Variants in RBM28 observed in about 807,000 individuals in gnomAD.
RBM28 encodes the protein RNA binding motif protein 28.
A neutral mutation model predicts 98.3 loss-of-function variants in RBM28; 78 were observed. The observed-to-expected ratio is 0.79, with a 90% confidence interval of 0.66 to 0.96. RBM28 has a LOEUF of 0.96. Among genes scored for constraint, RBM28 ranks in the 40% least tolerant of loss-of-function variants. The pLI, the probability that RBM28 is intolerant of heterozygous loss-of-function variation, is 0.00. For synonymous variants in RBM28, 306 were observed against 330.9 expected (o/e 0.92, Z 0.82); for missense variants, 838 against 913.0 (o/e 0.92, Z 1.06).
chr7:128,316,245 G>A (rs772245503), intron 16 of RBM28, among the ~76,000 whole-genome samples: 36 of 152,300 alleles, frequency 2.4e-4, no homozygotes, highest in Non-Finnish European at 3.1e-4. Flanking sequence ...ACAGCTTAAG[G>A]AAGTTCATGA....
chr7:128,323,130 C>T (rs181281081), intron 13 of RBM28, among the ~76,000 whole-genome samples: 37 of 152,214 alleles, frequency 2.4e-4, no homozygotes, highest in African/African-American at 8.4e-4. Context: ...TTTCAAGAGC[C>T]ATATCTTCTC....
At chr7:128,340,477 T>C (rs1796700474) in intron 1 of RBM28, among the ~76,000 whole-genome samples, 1 of 152,160 alleles carries the variant, frequency 6.6e-6, no homozygotes, top group Admixed American at 6.5e-5. Flanking sequence ...TCTCACCAGA[T>C]ACAGCCACTA....
At chr7:128,318,245 G>A in intron 14 of RBM28, 139 bp from the exon 15 acceptor site, 1 of 906,696 alleles carries the variant, frequency 1.1e-6, no homozygotes, top group South Asian at 1.5e-5. Context: ...AGCACCTTGG[G>A]AGGCCGAGAC....
chr7:128,313,407 C>A, intron 17 of RBM28, 133 bp from the exon 18 acceptor site: 1 of 865,800 alleles, frequency 1.2e-6, no homozygotes, highest in South Asian at 1.4e-5. Context: ...GCAACAGACC[C>A]TCTGAAAGCT....
In RBM28 at chr7:128,318,472, C is replaced by T. The variant is rs75580088; in HGVS notation, c.1564-366G>A. On this transcript the variant is annotated intron_variant, in intron 14 of 18. Coordinates refer to ENST00000223073, the MANE Select transcript of RBM28 (RefSeq NM_018077.3). The stretch of plus-strand genomic sequence containing the variant: ...CCTGGGCAACAGAGTGAGACCCTGT[C>T]TCAAAAAAAAAAAAAAAAAATCAGG... Among the ~76,000 whole-genome samples the T allele has an allele frequency of 6.1e-4, 78 of 128,770 alleles. No individual in the cohort carries two copies. The East Asian group carries it at 0.016, about 27-fold the overall frequency. The allele number at this position is 128,770 out of a possible 152,430, so 84.5% of individuals were successfully genotyped here.
At chr7:128,317,406 G>A (rs1023488245) in intron 16 of RBM28, among the ~76,000 whole-genome samples, 39 of 152,164 alleles carry the variant, frequency 2.6e-4, no homozygotes, top group African/African-American at 8.9e-4. Flanking sequence ...ACCAAACACT[G>A]TAAAAAACGG....
rs138999061 is a variant in RBM28 at position 128,339,688 on chromosome 7, G to A, written c.222C>T (p.Asn74=). ...TCAGTTTTTTCTTGGCAACAGTCAC[G>A]TTGATCTTGCAACCTTCAAAGGTGG... ...EITTFEGCKI[N]VTVAKKKLRN... Residue 74 remains asparagine, a synonymous_variant, in exon 2 of 19, where the codon AAC becomes AAT. Coordinates refer to ENST00000223073, the MANE Select transcript of RBM28 (RefSeq NM_018077.3). The A allele has an allele frequency of 3.1e-6, 5 of 1,613,672 alleles. No homozygotes were observed. Among genetic ancestry groups the A allele is most frequent in the East Asian group, 4.5e-5 (2 of 44,884 alleles).
chr7:128,324,530 A>G, intron 12 of RBM28, 29 bp downstream of exon 12: 1 of 1,614,130 alleles, frequency 6.2e-7, no homozygotes, highest in Non-Finnish European at 8.5e-7. Flanking sequence ...CCAGGTACTT[A>G]GAAGTGTGGG....
rs951665538 is a variant in RBM28, at chr7:128,326,021, G to A, written c.1130-130C>T. The A allele has an allele frequency of 1.0e-4, 81 of 772,182 alleles. 1 individual carries two copies. The highest frequency in any genetic ancestry group is 1.8e-4 in the Admixed American group (9 of 50,856). 47.8% of individuals were successfully genotyped at this position (772,182 alleles called of 1,614,324 possible). ...GCATCCATTTATTAAGTACAGCCAT[G>A]TAGCCGGGTGCAGTGGCTCACACCT... is the stretch of plus-strand genomic sequence containing the variant. On this transcript the variant is annotated intron_variant, in intron 10 of 18. Transcript: ENST00000223073.
In RBM28 at chr7:128,339,236, C is replaced by A; in HGVS notation, c.363G>T (p.Leu121=). ...DKKARLIIRN[L]SFKCSEDDLK... ...TTTCTCTCTCACTTACCTTAAAGCT[C>A]AGGTTCCGAATAATTAATCTGGCTT... Residue 121 remains leucine, a synonymous_variant, in exon 3 of 19, where the codon CTG becomes CTT. Transcript: ENST00000223073. The A allele has an allele frequency of 6.2e-7, 1 of 1,610,538 alleles. No homozygotes were observed. Among genetic ancestry groups the A allele is most frequent in the Non-Finnish European group, 8.5e-7 (1 of 1,176,744 alleles).
Position 128,336,028 on chromosome 7 carries a change from G to C in RBM28, c.628C>G (p.His210Asp). The change falls in exon 7 of 19, where the codon CAT becomes GAT. Residue 210 changes from histidine (H) to aspartate (D), a missense_variant. By Grantham distance (81) the His-to-Asp change is moderately conservative. Coordinates refer to ENST00000223073, the MANE Select transcript of RBM28 (RefSeq NM_018077.3). ...ACTGATTCCTGATGTTTAGATTCAT[G>C]GCTCTTTTCCTCACCTATGGAGGGA... ...SVSAIGEEKS[H>D]ESKHQESVKK... 1 of 1,610,262 alleles carries C rather than the reference G, an allele frequency of 6.2e-7. No homozygotes were observed. Among genetic ancestry groups the C allele is most frequent in the South Asian group, 1.1e-5 (1 of 90,978 alleles).
intron 16 of RBM28, 85 bp downstream of exon 16, chr7:128,317,574 A>T: frequency 9.4e-7 from 1 of 1,063,048 alleles, no homozygotes; most frequent in Non-Finnish European, 1.5e-6. Context: ...CTGAGGGGAG[A>T]ACTACTCTAA....
In RBM28 at chr7:128,309,929, A is replaced by C. The variant is rs1795945110; in HGVS notation, c.*868T>G. ...AAGACAAGCAGAGGTGATAGGGCTGAAGAGCCCAGGGAATCAAATGTTATA... is the reference window on the plus strand; with the variant it reads ...AAGACAAGCAGAGGTGATAGGGCTGCAGAGCCCAGGGAATCAAATGTTATA... On this transcript the variant is annotated 3_prime_UTR_variant, in exon 19 of 19. Coordinates refer to ENST00000223073, the MANE Select transcript of RBM28 (RefSeq NM_018077.3). The C allele has an allele frequency of 6.6e-6, 1 of 152,204 alleles. No individual in the cohort carries two copies. The highest frequency in any genetic ancestry group is 2.4e-5 in the African/African-American group (1 of 41,438). The allele number at this position is 152,204 out of a possible 1,614,324, so 9.4% of individuals were successfully genotyped here. A position where few individuals can be genotyped will look rare whatever the true frequency, so the allele number is the denominator to read the frequency against.
chr7:128,325,335 G>A (rs1796325489), intron 11 of RBM28, among the ~76,000 whole-genome samples: 1 of 152,200 alleles, frequency 6.6e-6, no homozygotes, highest in Non-Finnish European at 1.5e-5. Flanking sequence ...GTCTAGTATT[G>A]TAAAGTAAGC....
chr7:128,330,110 TGACACTGC>T (rs1402752780), intron 10 of RBM28, among the ~76,000 whole-genome samples: 8 of 151,954 alleles, frequency 5.3e-5, no homozygotes. Flanking sequence ...TTCTAACGGC[TGACACTGC>T]AACAGAGTTT....
chr7:128,317,823 A>G, intron 15 of RBM28, 90 bp from the exon 16 acceptor site: 1 of 1,507,940 alleles, frequency 6.6e-7, no homozygotes, highest in South Asian at 1.1e-5. Flanking sequence ...ATCCTCCCCC[A>G]ACCCACCTTT....
intron 12 of RBM28, 140 bp downstream of exon 12, chr7:128,324,419 G>T: frequency 8.1e-7 from 1 of 1,228,300 alleles, no homozygotes; most frequent in Non-Finnish European, 1.2e-6. Context: ...ATTTATTAAA[G>T]TGGAATGATC....
chr7:128,338,145 T>C, intron 5 of RBM28, 105 bp downstream of exon 5: 2 of 838,330 alleles, frequency 2.4e-6, no homozygotes, highest in Non-Finnish European at 4.1e-6. Flanking sequence ...AATGAGACTC[T>C]TAATAATGCA....
intron 18 of RBM28, 68 bp downstream of exon 18, chr7:128,313,107 A>C: frequency 6.7e-7 from 1 of 1,486,394 alleles, no homozygotes; most frequent in South Asian, 1.1e-5. Flanking sequence ...CAACTAACCA[A>C]GGTACAAACA....
Sources: allele counts gnomAD v4.1 joint callset (sites outside exome capture counted in the v4.1 genomes callset), GRCh38; gene constraint gnomAD v4.1.1; transcripts MANE v1.5; gene names NCBI Gene and HGNC (gene_info 2026-07-23, HGNC 2026-07-21).